Variants in CDH18 observed in about 807,000 individuals in gnomAD.
CDH18 encodes cadherin-18.
CDH18 carries 31 observed loss-of-function variants against 67.9 expected under a neutral mutation model. The ratio of observed to expected loss-of-function variants is 0.46; its 90% CI spans 0.34 to 0.62. The LOEUF (loss-of-function observed/expected upper bound fraction) is 0.62, where lower values mean the gene tolerates loss of function less well. CDH18 is among the 20% of genes least tolerant of loss of function. The probability of loss-of-function intolerance (pLI) is 0.01; values close to 1 mark genes in which losing one functional copy is unlikely to be tolerated. For missense variants in CDH18, 890 were observed against 975.5 expected, an observed-to-expected ratio of 0.91 and a Z score of 1.17; for synonymous variants, 362 against 347.2, an observed-to-expected ratio of 1.04 and a Z score of -0.48.
chr5:20,039,916 C>T (rs997906102), intron 2 of CDH18, among the ~76,000 whole-genome samples: 1 of 152,074 alleles, frequency 6.6e-6, no homozygotes, highest in Non-Finnish European at 1.5e-5. Flanking sequence ...AGGCAACCTA[C>T]AGAATGGGAA....
chr5:20,177,835 CT>C (rs1737362356), intron 2 of CDH18, among the ~76,000 whole-genome samples: 1 of 152,078 alleles, frequency 6.6e-6, no homozygotes, highest in Admixed American at 6.6e-5. Flanking sequence ...TTGCTTGGCT[CT>C]CATTCTCTCT....
At chr5:19,751,554 G>A (rs1275168671) in intron 3 of CDH18, among the ~76,000 whole-genome samples, 1 of 152,142 alleles carries the variant, frequency 6.6e-6, no homozygotes, top group African/African-American at 2.4e-5. Flanking sequence ...ATGTCACTGA[G>A]GAGTATTATG....
chr5:20,179,442 T>G (rs2126678022), intron 2 of CDH18, among the ~76,000 whole-genome samples: 1 of 152,306 alleles, frequency 6.6e-6, no homozygotes, highest in African/African-American at 2.4e-5. Flanking sequence ...TGCGAAGTAC[T>G]TAGTTTGTTT....
At chr5:19,561,276 T>G (rs922603433) in intron 8 of CDH18, among the ~76,000 whole-genome samples, 1 of 151,912 alleles carries the variant, frequency 6.6e-6, no homozygotes, top group South Asian at 2.1e-4. Context: ...CATCCGTCAA[T>G]GTAGGGATAA....
chr5:19,727,843 T>A (rs973803008), intron 4 of CDH18, among the ~76,000 whole-genome samples: 1 of 152,196 alleles, frequency 6.6e-6, no homozygotes, highest in Admixed American at 6.5e-5. Flanking sequence ...CTGATATTTT[T>A]GAACATCAGG....
chr5:19,642,244 C>A (rs991024985), intron 5 of CDH18, among the ~76,000 whole-genome samples: 2 of 152,026 alleles, frequency 1.3e-5, no homozygotes, highest in East Asian at 3.9e-4. Context: ...GCTGCAATGT[C>A]CATGCAACCC....
chr5:19,687,163 C>T lies in CDH18; in HGVS notation c.643+34184G>A, dbSNP rs1272691160. On this transcript the variant is annotated intron_variant, in intron 5 of 12. Transcript: ENST00000382275. Reference sequence around the variant, plus strand: ...TCCAGACGTGGAGAGGTCCTTGATGCCGGCATGCTGTGAGACTGGCTTGGG... The same window carrying T: ...TCCAGACGTGGAGAGGTCCTTGATGTCGGCATGCTGTGAGACTGGCTTGGG... 3.3e-5 allele frequency among the ~76,000 whole-genome samples: 5 copies of T among 152,102 alleles called. No homozygotes were observed. In the East Asian group the frequency reaches 9.7e-4, roughly 29 times the overall value.
chr5:19,785,054 T>A (rs933817443), intron 3 of CDH18, among the ~76,000 whole-genome samples: 1 of 152,150 alleles, frequency 6.6e-6, no homozygotes, highest in Non-Finnish European at 1.5e-5. Context: ...CTCTGTAATA[T>A]ATAAAACCAA....
chr5:19,544,024 GT>G lies in CDH18; in HGVS notation c.1254-20del, dbSNP rs1244695405. On this transcript the variant is annotated intron_variant, in intron 8 of 12. Transcript: ENST00000382275. ...GAAGTATCTAGAGAAAAAAAGAGAA[GT>G]TTTTACTTGATGTTATAATGAAGAA... 6.9e-7 allele frequency: 1 copy of G among 1,441,302 alleles called. No individual in the cohort carries two copies. The highest frequency in any genetic ancestry group is 9.5e-7 in the Non-Finnish European group (1 of 1,056,228). The allele number at this position is 1,441,302 out of a possible 1,614,324, so 89.3% of individuals were successfully genotyped here. A position where few individuals can be genotyped will look rare whatever the true frequency, so the allele number is the denominator to read the frequency against.
chr5:20,296,977 AT>A (rs1185201077), intron 1 of CDH18, among the ~76,000 whole-genome samples: 1 of 151,850 alleles, frequency 6.6e-6, no homozygotes, highest in African/African-American at 2.4e-5. Context: ...CTGTAAATTT[AT>A]TTTATATTTA....
chr5:19,951,155 G>A (rs1485351302), intron 2 of CDH18, among the ~76,000 whole-genome samples: 1 of 152,106 alleles, frequency 6.6e-6, no homozygotes, highest in African/African-American at 2.4e-5. Flanking sequence ...AGACTCAATG[G>A]AAAAGACTAG....
At chr5:19,616,448 G>A (rs1370955836) in intron 5 of CDH18, among the ~76,000 whole-genome samples, 1 of 152,030 alleles carries the variant, frequency 6.6e-6, no homozygotes, top group African/African-American at 2.4e-5. Context: ...GATTTTCTCA[G>A]GAAATTTTCA....
At chr5:19,974,347 T>C (rs1025711748) in intron 2 of CDH18, among the ~76,000 whole-genome samples, 2 of 151,536 alleles carry the variant, frequency 1.3e-5, no homozygotes, top group African/African-American at 2.4e-5. Flanking sequence ...GCCTGGCCAA[T>C]GTGGTGAAAC....
chr5:19,667,577 G>A (rs10941403), intron 5 of CDH18, among the ~76,000 whole-genome samples: 84,301 of 149,686 alleles, frequency 0.56, 26,840 homozygotes, highest in East Asian at 0.74. Flanking sequence ...CAAAACCACA[G>A]GAGTAACATT....
chr5:20,541,075 A>G (rs1433292884), intron 1 of CDH18, among the ~76,000 whole-genome samples: 1 of 152,218 alleles, frequency 6.6e-6, no homozygotes, highest in Non-Finnish European at 1.5e-5. Flanking sequence ...ATCGGATTAA[A>G]TATCATCCTC....
chr5:19,541,432 A>G (rs949150760), intron 9 of CDH18, among the ~76,000 whole-genome samples: 4 of 152,202 alleles, frequency 2.6e-5, no homozygotes, highest in Non-Finnish European at 5.9e-5. Context: ...CCACATTTTT[A>G]AGTATCTTTA....
chr5:20,066,222 G>A (rs79942773), intron 2 of CDH18, among the ~76,000 whole-genome samples: 1,800 of 151,896 alleles, frequency 0.012, 30 homozygotes, highest in African/African-American at 0.041. Context: ...TGAAACACAC[G>A]AAGAAAACTT....
At chr5:20,096,444 TATGCAGAAATA>T (rs1268200459) in intron 2 of CDH18, among the ~76,000 whole-genome samples, 1 of 152,052 alleles carries the variant, frequency 6.6e-6, no homozygotes, top group Non-Finnish European at 1.5e-5. Context: ...AAAATAGAGA[TATGCAGAAATA>T]ATGAAGAAAA....
At chr5:19,504,336 C>G (rs954241182) in intron 10 of CDH18, among the ~76,000 whole-genome samples, 4 of 152,070 alleles carry the variant, frequency 2.6e-5, no homozygotes, top group African/African-American at 9.7e-5. Context: ...ATCCTATGTG[C>G]TCCTTACCCC....
Sources: allele counts gnomAD v4.1 joint callset (sites outside exome capture counted in the v4.1 genomes callset), GRCh38; gene constraint gnomAD v4.1.1; transcripts MANE v1.5; gene names NCBI Gene and HGNC (gene_info 2026-07-23, HGNC 2026-07-21).